Variants in SGIP1 observed in about 807,000 individuals in gnomAD.
SGIP1 encodes SH3GL interacting endocytic adaptor 1, also known as SH3-containing GRB2-like protein 3-interacting protein 1.
Under a neutral mutation model 107.5 loss-of-function variants are expected in SGIP1, and 38 were observed. The ratio of observed to expected loss-of-function variants is 0.35; its 90% CI spans 0.27 to 0.46. The LOEUF (loss-of-function observed/expected upper bound fraction) is 0.46, where lower values mean the gene tolerates loss of function less well. Among genes scored for constraint, SGIP1 ranks in the 20% least tolerant of loss-of-function variants. The pLI is 1.00. For synonymous variants in SGIP1, 365 were observed against 366.1 expected (o/e 1.00, Z 0.03); for missense variants, 929 against 1,019.5 (o/e 0.91, Z 1.21).
At chr1:66,740,619 C>A in intron 22 of SGIP1, 39 bp from the exon 23 acceptor site, 1 of 1,384,814 alleles carries the variant, frequency 7.2e-7, no homozygotes, top group East Asian at 2.3e-5. Context: ...AACAAAAACT[C>A]TTGGATATGC....
chr1:66,707,227 T>A (rs1223106305), intron 18 of SGIP1, among the ~76,000 whole-genome samples: 1 of 149,984 alleles, frequency 6.7e-6, no homozygotes, highest in African/African-American at 2.5e-5. Flanking sequence ...TAGAAAAGCA[T>A]TTTTTTTTCT....
rs142301720 is a variant in SGIP1 at position 66,584,215 on chromosome 1, T to G, written c.11-41632T>G. ...ATATTTTCAATACCTATATCTAGTA[T>G]AGGTGCTAAAAAGAAATAAAGTTTA... On this transcript the variant is annotated intron_variant, in intron 1 of 24. Coordinates refer to ENST00000371037, the MANE Select transcript of SGIP1 (RefSeq NM_032291.4). Among the ~76,000 whole-genome samples the G allele has an allele frequency of 2.5e-4, 38 of 152,246 alleles. No individual in the cohort carries two copies. In the East Asian group the frequency reaches 6.0e-3, roughly 24 times the overall value.
chr1:66,560,857 T>A (rs1278933292), intron 1 of SGIP1, among the ~76,000 whole-genome samples: 1 of 152,106 alleles, frequency 6.6e-6, no homozygotes, highest in Non-Finnish European at 1.5e-5. Context: ...TTCTGTGAAA[T>A]GAGGATAAGA....
chr1:66,557,909 C>T (rs112536303), intron 1 of SGIP1, among the ~76,000 whole-genome samples: 23 of 152,208 alleles, frequency 1.5e-4, no homozygotes, highest in Non-Finnish European at 2.6e-4. Context: ...TTGAATTCTT[C>T]CATTGTAACA....
chr1:66,684,118 G>T (rs1286168608), intron 15 of SGIP1: 1 of 1,550,384 alleles, frequency 6.5e-7, no homozygotes, highest in African/African-American at 1.4e-5. Context: ...TGGGAAAACT[G>T]AGGCTCAGAG....
chr1:66,740,487 G>C (rs115439121), intron 22 of SGIP1, among the ~76,000 whole-genome samples, 171 bp from the exon 23 acceptor site: 2,247 of 152,214 alleles, frequency 0.015, 58 homozygotes, highest in African/African-American at 0.051. Flanking sequence ...GAGGAAAAAA[G>C]AGATTTATGT....
At chr1:66,617,754 T>C (rs2069756796) in intron 1 of SGIP1, among the ~76,000 whole-genome samples, 1 of 152,204 alleles carries the variant, frequency 6.6e-6, no homozygotes, top group Non-Finnish European at 1.5e-5. Context: ...GGGCAGTATA[T>C]AAAGATTTAA....
chr1:66,645,877 G>A (rs11208935), intron 7 of SGIP1, among the ~76,000 whole-genome samples: 19,494 of 152,080 alleles, frequency 0.13, 1,340 homozygotes, highest in Admixed American at 0.18. Flanking sequence ...GTCTTGCTCC[G>A]TTGCTCAGGC....
At chr1:66,616,615 T>C (rs2069380016) in intron 1 of SGIP1, among the ~76,000 whole-genome samples, 1 of 152,214 alleles carries the variant, frequency 6.6e-6, no homozygotes, top group Non-Finnish European at 1.5e-5. Context: ...CAACTGTGTC[T>C]GCTCCCCATG....
At chr1:66,586,242 G>A (rs2062597306) in intron 1 of SGIP1, among the ~76,000 whole-genome samples, 1 of 152,078 alleles carries the variant, frequency 6.6e-6, no homozygotes. Context: ...TTTGAAGTGA[G>A]TTTCTTGTAC....
intron 5 of SGIP1, 26 bp downstream of exon 5, chr1:66,639,859 T>G: frequency 1.3e-6 from 2 of 1,585,328 alleles, no homozygotes; most frequent in Non-Finnish European, 1.7e-6. Context: ...GTGTTTCTCT[T>G]TATTAAGTAT....
chr1:66,685,329 G>A (rs2087940007), intron 15 of SGIP1, among the ~76,000 whole-genome samples: 1 of 152,138 alleles, frequency 6.6e-6, no homozygotes, highest in African/African-American at 2.4e-5. Context: ...AAAAGCAGTT[G>A]GAAGTTAAGA....
intron 1 of SGIP1, among the ~76,000 whole-genome samples, chr1:66,603,941 A>T (rs570886898): frequency 6.6e-6 from 1 of 152,292 alleles, no homozygotes; most frequent in Admixed American, 6.5e-5. Context: ...TAAGAATCGG[A>T]AAAGAGTCCA....
At chr1:66,592,144 G>C (rs555861928) in intron 1 of SGIP1, among the ~76,000 whole-genome samples, 1 of 152,124 alleles carries the variant, frequency 6.6e-6, no homozygotes, top group Non-Finnish European at 1.5e-5. Flanking sequence ...TACCGATGTC[G>C]GGCTGGGGGA....
At chr1:66,642,506 T>A (rs1177897666) in intron 5 of SGIP1, among the ~76,000 whole-genome samples, 1 of 152,190 alleles carries the variant, frequency 6.6e-6, no homozygotes, top group Non-Finnish European at 1.5e-5. Flanking sequence ...AATCTACATT[T>A]CTTATCACCC....
intron 19 of SGIP1, 24 bp from the exon 20 acceptor site, chr1:66,729,240 C>T: frequency 6.2e-7 from 1 of 1,611,410 alleles, no homozygotes; most frequent in Middle Eastern, 1.7e-4. Context: ...CTCTCTCTTT[C>T]CTCTCTGTGT....
chr1:66,657,183 A>G (rs1044663509), intron 7 of SGIP1, among the ~76,000 whole-genome samples: 2 of 152,120 alleles, frequency 1.3e-5, no homozygotes, highest in African/African-American at 2.4e-5. Context: ...CTCTAAAAAT[A>G]TATCATATAA....
At chr1:66,708,755 T>G (rs982275033) in intron 18 of SGIP1, among the ~76,000 whole-genome samples, 1 of 145,818 alleles carries the variant, frequency 6.9e-6, no homozygotes, top group African/African-American at 2.6e-5. Context: ...TGTATGTTCC[T>G]GGACTGAGCA....
chr1:66,702,972 C>T lies in SGIP1; in HGVS notation c.1630+7479C>T, dbSNP rs765079950. 2.1e-4 allele frequency among the ~76,000 whole-genome samples: 32 copies of T among 152,128 alleles called. 1 individual carries two copies. Among genetic ancestry groups the T allele is most frequent in the Admixed American group, 1.2e-3 (19 of 15,256 alleles). ...CCAAATGGGGAACTAACAAGAACAGCGGAAAGTCTTGAGCCCCACAAAAAG... is the reference window on the plus strand; with the variant it reads ...CCAAATGGGGAACTAACAAGAACAGTGGAAAGTCTTGAGCCCCACAAAAAG... On this transcript the variant is annotated intron_variant, in intron 18 of 24. Coordinates refer to ENST00000371037, the MANE Select transcript of SGIP1 (RefSeq NM_032291.4).
Sources: gnomAD v4.1 joint callset for allele counts (sites outside exome capture counted in the v4.1 genomes callset) on GRCh38, gnomAD v4.1.1 for gene constraint, MANE v1.5 for transcripts, NCBI Gene and HGNC (gene_info 2026-07-23, HGNC 2026-07-21) for gene names.